The following LUZP2 variants were observed in gnomAD, a reference collection of about 807,000 sequenced individuals.
The protein encoded by LUZP2 is leucine zipper protein 2.
A neutral mutation model predicts 51.6 loss-of-function variants in LUZP2; 52 were observed. The observed-to-expected ratio is 1.01, with a 90% CI of 0.81 to 1.27. The LOEUF (loss-of-function observed/expected upper bound fraction) is 1.27, where lower values mean the gene tolerates loss of function less well. LUZP2 is among the 50% of genes most tolerant of loss of function. The probability of loss-of-function intolerance (pLI) is 0.00; values close to 1 mark genes in which losing one functional copy is unlikely to be tolerated. For missense variants in LUZP2, 436 were observed against 395.4 expected (o/e 1.10, Z -0.87); for synonymous variants, 154 against 137.3 (o/e 1.12, Z -0.85).
intron 9 of LUZP2, among the ~76,000 whole-genome samples, chr11:25,016,309 C>G (rs111771331): frequency 0.013 from 1,917 of 152,088 alleles, 17 homozygotes; most frequent in Middle Eastern, 0.048. Context: ...TTCTTCCAAC[C>G]TTCCCCCTTC....
chr11:24,963,741 G>T (rs576958062), intron 7 of LUZP2, among the ~76,000 whole-genome samples: 4 of 152,238 alleles, frequency 2.6e-5, no homozygotes. Context: ...GCCTCACCCT[G>T]CTTCGGCTCG....
At chr11:24,826,206 T>TATATATATATATAG (rs1222223199) in intron 5 of LUZP2, among the ~76,000 whole-genome samples, 1 of 142,986 alleles carries the variant, frequency 7.0e-6, no homozygotes, top group African/African-American at 2.6e-5. Context: ...TATATATATA[T>TATATATATATATAG]ATAGTAAAAG....
intron 9 of LUZP2, among the ~76,000 whole-genome samples, chr11:24,991,878 G>C (rs1473308602): frequency 6.6e-6 from 1 of 152,018 alleles, no homozygotes; most frequent in Middle Eastern, 3.4e-3. Context: ...TTTGGGAATT[G>C]CCTATTTATG....
At chr11:24,863,175 A>AT (rs1565011432) in intron 5 of LUZP2, among the ~76,000 whole-genome samples, 1 of 152,216 alleles carries the variant, frequency 6.6e-6, no homozygotes, top group African/African-American at 2.4e-5. Flanking sequence ...TAGAATGACC[A>AT]TAAGGCCCAA....
At chr11:24,526,264 G>T (rs564510631) in intron 1 of LUZP2, among the ~76,000 whole-genome samples, 2 of 71,088 alleles carry the variant, frequency 2.8e-5, no homozygotes, top group African/African-American at 1.2e-4. Context: ...ACACTAGGGG[G>T]CAAAAAAAAA....
At chr11:24,977,732 T>G (rs1380043258) in intron 8 of LUZP2, among the ~76,000 whole-genome samples, 2 of 151,650 alleles carry the variant, frequency 1.3e-5, no homozygotes, top group Non-Finnish European at 3.0e-5. Flanking sequence ...GCCCATAATA[T>G]GTATGTATAT....
chr11:24,931,230 A>G (rs1170307982), intron 7 of LUZP2, among the ~76,000 whole-genome samples: 1 of 72,188 alleles, frequency 1.4e-5, no homozygotes, highest in Non-Finnish European at 3.8e-5. Context: ...AAAATAAAAT[A>G]AAATAAAATA....
At chr11:25,013,751 A>C (rs754307953) in intron 9 of LUZP2, among the ~76,000 whole-genome samples, 1 of 151,066 alleles carries the variant, frequency 6.6e-6, no homozygotes, top group African/African-American at 2.5e-5. Context: ...TTTATTTATT[A>C]TTCTTTTTTT....
At chr11:24,909,145 T>A (rs1031327153) in intron 6 of LUZP2, among the ~76,000 whole-genome samples, 17 of 151,504 alleles carry the variant, frequency 1.1e-4, no homozygotes, top group East Asian at 3.9e-4. Flanking sequence ...AAACATTTTT[T>A]AAAAATATAT....
intron 9 of LUZP2, among the ~76,000 whole-genome samples, chr11:24,999,529 G>C (rs1590818845): frequency 6.6e-6 from 1 of 151,938 alleles, no homozygotes; most frequent in Admixed American, 6.6e-5. Context: ...AAGAGAAGAT[G>C]AGAAGGAGTG....
At chr11:24,774,352 CTCTCTCTCTCTATATA>C (rs1848842663) in intron 5 of LUZP2, among the ~76,000 whole-genome samples, 3 of 81,790 alleles carry the variant, frequency 3.7e-5, no homozygotes. Flanking sequence ...CTCTCTCTCT[CTCTCTCTCTCTATATA>C]TATATATATA....
At chr11:24,696,236 A>G (rs1161687440) in intron 1 of LUZP2, among the ~76,000 whole-genome samples, 7 of 152,104 alleles carry the variant, frequency 4.6e-5, no homozygotes, top group Admixed American at 1.3e-4. Context: ...AATTTTACCT[A>G]TTTCAACCAG....
intron 5 of LUZP2, among the ~76,000 whole-genome samples, chr11:24,826,837 C>T (rs1850557918): frequency 6.6e-6 from 1 of 152,024 alleles, no homozygotes; most frequent in Non-Finnish European, 1.5e-5. Flanking sequence ...CAAAAGAATA[C>T]AGCATGATTT....
intron 1 of LUZP2, among the ~76,000 whole-genome samples, chr11:24,698,817 A>C (rs1857330298): frequency 6.6e-6 from 1 of 152,066 alleles, no homozygotes; most frequent in Admixed American, 6.6e-5. Context: ...TCACTTTGGA[A>C]GGCTGAGGCA....
At chr11:24,961,358 C>A (rs1023064628) in intron 7 of LUZP2, among the ~76,000 whole-genome samples, 3 of 152,240 alleles carry the variant, frequency 2.0e-5, no homozygotes, top group Admixed American at 1.3e-4. Flanking sequence ...GTTAAAATCT[C>A]CCATTATTCA....
At chr11:25,074,970 G>A (rs1382348646) in intron 10 of LUZP2, among the ~76,000 whole-genome samples, 1 of 152,054 alleles carries the variant, frequency 6.6e-6, no homozygotes, top group Non-Finnish European at 1.5e-5. Flanking sequence ...GTGCATTTTG[G>A]GAAATCCTAC....
chr11:24,923,281 G>T (rs1854128578), intron 7 of LUZP2, among the ~76,000 whole-genome samples: 1 of 152,066 alleles, frequency 6.6e-6, no homozygotes, highest in Non-Finnish European at 1.5e-5. Context: ...TGTACTCAAA[G>T]ATCTGTGAAA....
intron 1 of LUZP2, among the ~76,000 whole-genome samples, chr11:24,564,582 T>C (rs1852155755): frequency 6.6e-6 from 1 of 152,136 alleles, no homozygotes; most frequent in Non-Finnish European, 1.5e-5. Context: ...ACAGCACATT[T>C]GTATGCCCCA....
chr11:25,013,822 A>G (rs1473383509), intron 9 of LUZP2, among the ~76,000 whole-genome samples: 3 of 152,216 alleles, frequency 2.0e-5, no homozygotes, highest in South Asian at 2.1e-4. Flanking sequence ...ATATGTATAC[A>G]TGTGACATGT....
Sources: allele counts gnomAD v4.1 joint callset (sites outside exome capture counted in the v4.1 genomes callset), GRCh38; gene constraint gnomAD v4.1.1; transcripts MANE v1.5; gene names NCBI Gene and HGNC (gene_info 2026-07-23, HGNC 2026-07-21).